The following CPNE5 variants were observed in gnomAD, a reference collection of about 807,000 sequenced individuals.
The protein encoded by CPNE5 is copine-5.
Under a neutral mutation model 81.1 loss-of-function variants are expected in CPNE5, and 42 were observed. The observed-to-expected ratio is 0.52, with a 90% CI of 0.40 to 0.67. The LOEUF (loss-of-function observed/expected upper bound fraction) is 0.67, where lower values mean the gene tolerates loss of function less well. Ranked by LOEUF, CPNE5 falls within the 30% of genes least tolerant of loss-of-function variation. The pLI, the probability that CPNE5 is intolerant of heterozygous loss-of-function variation, is 0.00. For missense variants in CPNE5, 612 were observed against 815.5 expected (o/e 0.75, Z 3.04); for synonymous variants, 313 against 321.5 (o/e 0.97, Z 0.28).
rs149640605 is a variant in CPNE5, at chr6:36,809,525, G to A, written c.184-9455C>T. ...CAGGAGATTGAGGCTGCAGTGAGCC[G>A]TGATTGTGCCACTGCACTCCAGCCT... On this transcript the variant is annotated intron_variant, in intron 3 of 20. Transcript: ENST00000244751. 7.7e-3 allele frequency among the ~76,000 whole-genome samples: 1,174 copies of A among 152,084 alleles called. 21 individuals are homozygous for A. Among genetic ancestry groups the A allele is most frequent in the African/African-American group, 0.026 (1,087 of 41,470 alleles).
At chr6:36,830,445 C>T (rs968067180) in intron 1 of CPNE5, among the ~76,000 whole-genome samples, 1 of 152,204 alleles carries the variant, frequency 6.6e-6, no homozygotes, top group Admixed American at 6.5e-5. Context: ...GAAGCCTTGG[C>T]ACCTAGCCCC....
intron 14 of CPNE5, among the ~76,000 whole-genome samples, chr6:36,749,916 A>G (rs1764621866): frequency 6.6e-6 from 1 of 152,214 alleles, no homozygotes; most frequent in Non-Finnish European, 1.5e-5. Context: ...CCGGGTCCAG[A>G]CAGAACAAAG....
intron 3 of CPNE5, among the ~76,000 whole-genome samples, chr6:36,808,249 C>G: frequency 6.6e-6 from 1 of 152,228 alleles, no homozygotes; most frequent in African/African-American, 2.4e-5. Context: ...TGCCACCACG[C>G]CTGGCTAAGT....
chr6:36,773,334 A>G (rs953105994), intron 10 of CPNE5, among the ~76,000 whole-genome samples: 2 of 152,240 alleles, frequency 1.3e-5, no homozygotes, highest in Non-Finnish European at 2.9e-5. Flanking sequence ...TCCTGACTCA[A>G]CAGAAACCAA....
Position 36,761,877 on chromosome 6 carries a change from C to A in CPNE5, c.855+1040G>T, listed in dbSNP as rs144684587. 3.0e-3 allele frequency among the ~76,000 whole-genome samples: 457 copies of A among 152,106 alleles called. 6 individuals carry two copies. The highest frequency in any genetic ancestry group is 0.011 in the African/African-American group (436 of 41,476). ...CTGTGGAAGTTCAGACAAGAAAGCA[C>A]GGGGACAAGAGTGGCTGGGAAGACC... On this transcript the variant is annotated intron_variant, in intron 12 of 20. Coordinates refer to ENST00000244751, the MANE Select transcript of CPNE5 (RefSeq NM_020939.2).
intron 3 of CPNE5, among the ~76,000 whole-genome samples, chr6:36,821,048 A>G (rs1249715682): frequency 6.6e-6 from 1 of 152,152 alleles, no homozygotes; most frequent in Non-Finnish European, 1.5e-5. Context: ...GAAGGTTGGA[A>G]TGTTAGATAG....
At chr6:36,826,839 C>G (rs1036789556) in intron 1 of CPNE5, among the ~76,000 whole-genome samples, 3 of 152,232 alleles carry the variant, frequency 2.0e-5, no homozygotes, top group Non-Finnish European at 4.4e-5. Context: ...GCTCTGCAGT[C>G]AGACAAGCTG....
intron 6 of CPNE5, among the ~76,000 whole-genome samples, chr6:36,797,734 G>C (rs1222532805): frequency 6.6e-6 from 1 of 152,194 alleles, no homozygotes. Flanking sequence ...ACTGTACCCA[G>C]CTCTGGCCTA....
At chr6:36,795,979 C>T (rs1265424247) in intron 6 of CPNE5, among the ~76,000 whole-genome samples, 3 of 152,164 alleles carry the variant, frequency 2.0e-5, no homozygotes, top group Non-Finnish European at 2.9e-5. Context: ...GATGGAATCT[C>T]GTTCTGTCAC....
intron 14 of CPNE5, among the ~76,000 whole-genome samples, chr6:36,750,442 C>G (rs957810962): frequency 3.9e-5 from 6 of 152,178 alleles, no homozygotes; most frequent in Non-Finnish European, 8.8e-5. Context: ...TCCTCTTCTG[C>G]TGGCTGGGGG....
rs1029224545 is a variant in CPNE5 at position 36,809,722 on chromosome 6, G to A, written c.184-9652C>T. On this transcript the variant is annotated intron_variant, in intron 3 of 20. Coordinates refer to ENST00000244751, the MANE Select transcript of CPNE5 (RefSeq NM_020939.2). ...GAAAACAAAGGCAGAGAAGGTGGGA[G>A]GGGGGCTGTTCTGACCACGGTCACA... 2.0e-5 allele frequency among the ~76,000 whole-genome samples: 3 copies of A among 152,092 alleles called. No individual in the cohort carries two copies. The South Asian group carries it at 6.2e-4, about 32-fold the overall frequency.
intron 11 of CPNE5, among the ~76,000 whole-genome samples, chr6:36,763,221 C>T (rs1461252922): frequency 2.0e-5 from 3 of 152,198 alleles, no homozygotes; most frequent in Non-Finnish European, 4.4e-5. Flanking sequence ...AAGAACAGCA[C>T]CCACTTCTAC....
At chr6:36,769,068 A>G (rs1299332059) in intron 10 of CPNE5, among the ~76,000 whole-genome samples, 1 of 152,066 alleles carries the variant, frequency 6.6e-6, no homozygotes, top group Non-Finnish European at 1.5e-5. Flanking sequence ...AACAATTCCC[A>G]TGCTTCTTGA....
At chr6:36,765,176 A>G (rs150309411) in intron 11 of CPNE5, among the ~76,000 whole-genome samples, 159 bp downstream of exon 11, 1,830 of 150,942 alleles carry the variant, frequency 0.012, 42 homozygotes, top group African/African-American at 0.041. Flanking sequence ...GCAGCAGAGG[A>G]CCCCTCCCCC....
chr6:36,830,487 G>T (rs145670318), intron 1 of CPNE5, among the ~76,000 whole-genome samples: 1 of 152,138 alleles, frequency 6.6e-6, no homozygotes, highest in African/African-American at 2.4e-5. Context: ...TTCAGATCCT[G>T]TTCTCACCCG....
chr6:36,825,519 G>T (rs895614558), intron 1 of CPNE5, among the ~76,000 whole-genome samples: 2 of 152,200 alleles, frequency 1.3e-5, no homozygotes, highest in South Asian at 4.2e-4. Flanking sequence ...GCCACCACTG[G>T]CCCCTCCACC....
intron 3 of CPNE5, among the ~76,000 whole-genome samples, chr6:36,810,915 C>CCTCCCT (rs970864158): frequency 8.5e-5 from 13 of 152,178 alleles, no homozygotes; most frequent in African/African-American, 3.1e-4. Context: ...GCTCTAAAGG[C>CCTCCCT]CTCCCTGTTC....
intron 3 of CPNE5, among the ~76,000 whole-genome samples, chr6:36,811,036 T>C (rs1255601526): frequency 6.6e-6 from 1 of 152,222 alleles, no homozygotes; most frequent in Non-Finnish European, 1.5e-5. Context: ...TAGTTCCTAA[T>C]TAGCCATTGT....
intron 15 of CPNE5, among the ~76,000 whole-genome samples, chr6:36,747,749 C>T (rs1411523476): frequency 1.3e-5 from 2 of 152,254 alleles, no homozygotes; most frequent in African/African-American, 4.8e-5. Context: ...CAGGCTGACA[C>T]TGGAGAAATT....
Sources: allele counts gnomAD v4.1 joint callset (sites outside exome capture counted in the v4.1 genomes callset), GRCh38; gene constraint gnomAD v4.1.1; transcripts MANE v1.5; gene names NCBI Gene and HGNC (gene_info 2026-07-23, HGNC 2026-07-21).